The following L3MBTL4 variants were observed in gnomAD, a reference collection of about 807,000 sequenced individuals.
The protein encoded by L3MBTL4 is lethal(3)malignant brain tumor-like protein 4.
L3MBTL4 carries 70 observed loss-of-function variants against 84.5 expected under a neutral mutation model. The observed-to-expected ratio is 0.83, with a 90% CI of 0.68 to 1.01. The LOEUF (loss-of-function observed/expected upper bound fraction) is 1.01. Ranked by LOEUF, L3MBTL4 falls within the 50% of genes least tolerant of loss-of-function variation. L3MBTL4 has a pLI of 0.00. For synonymous variants in L3MBTL4, 274 were observed against 259.8 expected (o/e 1.05, Z -0.52); for missense variants, 715 against 754.8 (o/e 0.95, Z 0.62).
At chr18:6,249,721 T>G (rs1417374150) in intron 5 of L3MBTL4, among the ~76,000 whole-genome samples, 1 of 152,224 alleles carries the variant, frequency 6.6e-6, no homozygotes. Context: ...AATCTTATGT[T>G]TCATTAATAT....
At chr18:6,159,295 T>C (rs1432395496) in intron 13 of L3MBTL4, among the ~76,000 whole-genome samples, 2 of 152,190 alleles carry the variant, frequency 1.3e-5, no homozygotes, top group African/African-American at 4.8e-5. Context: ...GCAACACATC[T>C]GATTATAAAA....
At chr18:6,171,516 G>C (rs2043968963) in intron 13 of L3MBTL4, among the ~76,000 whole-genome samples, 1 of 152,166 alleles carries the variant, frequency 6.6e-6, no homozygotes, top group Non-Finnish European at 1.5e-5. Flanking sequence ...AGATGAACTT[G>C]TTAAAACCAA....
intron 16 of L3MBTL4, among the ~76,000 whole-genome samples, chr18:6,070,132 TA>T (rs1410658739): frequency 3.3e-5 from 5 of 152,006 alleles, no homozygotes; most frequent in Non-Finnish European, 7.4e-5. Context: ...GAATGGAGCA[TA>T]AACAATATTT....
intron 16 of L3MBTL4, among the ~76,000 whole-genome samples, chr18:6,008,583 C>T (rs2054592847): frequency 6.6e-6 from 1 of 152,078 alleles, no homozygotes; most frequent in African/African-American, 2.4e-5. Context: ...CCTTTTCTTA[C>T]AAGGGCATAA....
intron 12 of L3MBTL4, among the ~76,000 whole-genome samples, chr18:6,192,208 C>A (rs971843443): frequency 9.2e-5 from 14 of 151,934 alleles, no homozygotes; most frequent in African/African-American, 3.1e-4. Context: ...CTTTAAATGG[C>A]AGCAGAAAAA....
At chr18:6,017,319 C>T (rs991580904) in intron 16 of L3MBTL4, among the ~76,000 whole-genome samples, 2 of 80,366 alleles carry the variant, frequency 2.5e-5, no homozygotes, top group East Asian at 2.6e-4. Context: ...GCAGTGACAG[C>T]GTGAGAGATG....
chr18:6,050,434 T>C (rs1220775704), intron 16 of L3MBTL4, among the ~76,000 whole-genome samples: 1 of 152,210 alleles, frequency 6.6e-6, no homozygotes. Context: ...GACTTTATAA[T>C]GATAAAAATA....
At chr18:6,364,644 A>G (rs1036000284) in intron 1 of L3MBTL4, among the ~76,000 whole-genome samples, 6 of 152,184 alleles carry the variant, frequency 3.9e-5, no homozygotes, top group Non-Finnish European at 8.8e-5. Flanking sequence ...AGATTTCATC[A>G]TAAATTTATA....
chr18:5,991,737 C>T (rs1280959683), intron 16 of L3MBTL4, among the ~76,000 whole-genome samples: 1 of 152,154 alleles, frequency 6.6e-6, no homozygotes, highest in East Asian at 1.9e-4. Flanking sequence ...AAAGTTTAGC[C>T]ACATTAGAAT....
intron 14 of L3MBTL4, among the ~76,000 whole-genome samples, chr18:6,106,237 G>T (rs556222393): frequency 2.0e-5 from 3 of 152,240 alleles, no homozygotes; most frequent in Admixed American, 6.5e-5. Flanking sequence ...ATTTTTCTCT[G>T]AAGACATTAC....
chr18:6,054,137 C>A (rs569349176), intron 16 of L3MBTL4, among the ~76,000 whole-genome samples: 1 of 152,294 alleles, frequency 6.6e-6, no homozygotes, highest in South Asian at 2.1e-4. Flanking sequence ...TCTCTAAACT[C>A]CATCTTTACA....
intron 16 of L3MBTL4, chr18:6,031,254 T>C: frequency 2.0e-6 from 2 of 985,470 alleles, no homozygotes; most frequent in Non-Finnish European, 2.4e-6. Flanking sequence ...TGATATATCT[T>C]CTGCTAATAA....
At chr18:6,062,253 G>A (rs1172287363) in intron 16 of L3MBTL4, among the ~76,000 whole-genome samples, 4 of 151,922 alleles carry the variant, frequency 2.6e-5, no homozygotes, top group South Asian at 2.1e-4. Flanking sequence ...ACCGCATACA[G>A]AATTATAGGT....
chr18:6,101,861 T>C (rs913678277), intron 14 of L3MBTL4, among the ~76,000 whole-genome samples: 1 of 152,226 alleles, frequency 6.6e-6, no homozygotes, highest in African/African-American at 2.4e-5. Context: ...CTTCCTTTCC[T>C]TCCACTTGTT....
intron 1 of L3MBTL4, among the ~76,000 whole-genome samples, chr18:6,351,564 T>A (rs1016842040): frequency 6.6e-6 from 1 of 152,218 alleles, no homozygotes; most frequent in Non-Finnish European, 1.5e-5. Context: ...TTTTATTTTT[T>A]TTTTTGAGAT....
At chr18:6,236,563 C>T (rs1254085315) in intron 10 of L3MBTL4, among the ~76,000 whole-genome samples, 1 of 152,148 alleles carries the variant, frequency 6.6e-6, no homozygotes, top group Non-Finnish European at 1.5e-5. Flanking sequence ...TGGGAAGAAG[C>T]ATTCCATGTC....
intron 16 of L3MBTL4, among the ~76,000 whole-genome samples, chr18:6,037,614 C>A (rs572670744): frequency 1.3e-5 from 2 of 152,352 alleles, no homozygotes; most frequent in East Asian, 3.9e-4. Context: ...AACTTGATTT[C>A]TGTAAATCTC....
intron 17 of L3MBTL4, among the ~76,000 whole-genome samples, chr18:5,962,901 C>T (rs1003067348): frequency 1.3e-5 from 2 of 152,178 alleles, no homozygotes; most frequent in African/African-American, 2.4e-5. Flanking sequence ...GGATGTTTAA[C>T]GGTATCCCTG....
chr18:6,382,958 T>C (rs1326583164), intron 1 of L3MBTL4, among the ~76,000 whole-genome samples: 2 of 152,156 alleles, frequency 1.3e-5, no homozygotes, highest in African/African-American at 4.8e-5. Context: ...GATGGGGATT[T>C]TATCTGTAAG....
Sources: gnomAD v4.1 joint callset for allele counts (sites outside exome capture counted in the v4.1 genomes callset) on GRCh38, gnomAD v4.1.1 for gene constraint, MANE v1.5 for transcripts, NCBI Gene and HGNC (gene_info 2026-07-23, HGNC 2026-07-21) for gene names.